The following LMNB1 variants were observed in gnomAD, a reference collection of about 807,000 sequenced individuals.
LMNB1 encodes the protein lamin-B1.
A neutral mutation model predicts 67.1 loss-of-function variants in LMNB1; 23 were observed. The observed-to-expected ratio is 0.34, with a 90% confidence interval of 0.25 to 0.49. The LOEUF (loss-of-function observed/expected upper bound fraction) is 0.49, where lower values mean the gene tolerates loss of function less well. Among genes scored for constraint, LMNB1 ranks in the 20% least tolerant of loss-of-function variants. LMNB1 has a pLI of 0.99. For synonymous variants in LMNB1, 281 were observed against 282.9 expected (o/e 0.99, Z 0.07); for missense variants, 634 against 746.5 (o/e 0.85, Z 1.76).
At chr5:126,791,208 A>G (rs374909577) in intron 1 of LMNB1, among the ~76,000 whole-genome samples, 3 of 150,230 alleles carry the variant, frequency 2.0e-5, no homozygotes, top group African/African-American at 7.4e-5. Flanking sequence ...CTTTTCATCC[A>G]TTGTGTTGAT....
Position 126,777,796 on chromosome 5 carries a change from G to C in LMNB1, c.288G>C (p.Thr96=), listed in dbSNP as rs189717541. 4.1e-4 allele frequency: 608 copies of C among 1,496,554 alleles called. 3 individuals are homozygous for C. The African/African-American group carries it at 6.8e-3, about 17-fold the overall frequency. 92.7% of individuals were successfully genotyped at this position (1,496,554 alleles called of 1,614,324 possible). A position where few individuals can be genotyped will look rare whatever the true frequency, so the allele number is the denominator to read the frequency against. ...LADARRALDD[T]ARERAKLQIE... ...ACGCGCGACGCGCGCTCGACGACACGGCCCGCGAGCGCGCCAAGCTGCAGA... is the reference window on the plus strand; with the variant it reads ...ACGCGCGACGCGCGCTCGACGACACCGCCCGCGAGCGCGCCAAGCTGCAGA... Residue 96 remains threonine, a synonymous_variant, in exon 1 of 11, where the codon ACG becomes ACC. Coordinates refer to ENST00000261366, the MANE Select transcript of LMNB1 (RefSeq NM_005573.4).
chr5:126,790,046 C>T (rs1184435319), intron 1 of LMNB1, among the ~76,000 whole-genome samples: 3 of 151,904 alleles, frequency 2.0e-5, no homozygotes, highest in Non-Finnish European at 4.4e-5. Context: ...TCAGATGATC[C>T]GCCCACCTCA....
At chr5:126,801,993 C>G (rs72780203) in intron 1 of LMNB1, among the ~76,000 whole-genome samples, 6,637 of 152,316 alleles carry the variant, frequency 0.044, 163 homozygotes, top group Middle Eastern at 0.065. Context: ...AAAATAGAGA[C>G]TCCTTCACAA....
intron 5 of LMNB1, among the ~76,000 whole-genome samples, chr5:126,813,052 TCTTC>T (rs1405090890): frequency 1.3e-5 from 2 of 152,228 alleles, no homozygotes; most frequent in Non-Finnish European, 2.9e-5. Context: ...ATTGGGCTTT[TCTTC>T]CTTCCTTTTT....
chr5:126,809,578 T>C (rs755641119), intron 3 of LMNB1, among the ~76,000 whole-genome samples: 13 of 152,044 alleles, frequency 8.6e-5, no homozygotes, highest in Non-Finnish European at 1.8e-4. Flanking sequence ...TCCCAGTTAC[T>C]AGGGAGGCTG....
intron 1 of LMNB1, among the ~76,000 whole-genome samples, chr5:126,801,648 A>G (rs1189115311): frequency 6.6e-6 from 1 of 152,236 alleles, no homozygotes; most frequent in East Asian, 1.9e-4. Flanking sequence ...CAAATAAACA[A>G]GAACAATACT....
At chr5:126,787,546 A>ATATATATATATATATATTTTTTTTTTT in intron 1 of LMNB1, among the ~76,000 whole-genome samples, 1 of 65,574 alleles carries the variant, frequency 1.5e-5, no homozygotes, top group African/African-American at 6.6e-5. Flanking sequence ...ATATATATAT[A>ATATATATATATATATATTTTTTTTTTT]TTTTTTTTTT....
intron 1 of LMNB1, among the ~76,000 whole-genome samples, chr5:126,794,387 G>C (rs938327919): frequency 2.0e-5 from 3 of 152,184 alleles, no homozygotes; most frequent in African/African-American, 4.8e-5. Flanking sequence ...ATGCATGCTT[G>C]ATAAGCAGTT....
intron 2 of LMNB1, among the ~76,000 whole-genome samples, chr5:126,805,214 G>A (rs558437680): frequency 1.3e-5 from 2 of 152,162 alleles, no homozygotes; most frequent in African/African-American, 2.4e-5. Context: ...AGCCTATTTT[G>A]TTAGTTAGGA....
At chr5:126,825,863 A>T in intron 8 of LMNB1, 125 bp from the exon 9 acceptor site, 1 of 1,297,756 alleles carries the variant, frequency 7.7e-7, no homozygotes, top group East Asian at 2.5e-5. Flanking sequence ...TGTGTATAGC[A>T]CTCTGTAGCT....
rs1750486749 is a variant in LMNB1 at position 126,777,426 on chromosome 5, G to A, written c.-83G>A. On this transcript the variant is annotated 5_prime_UTR_variant, in exon 1 of 11. Coordinates refer to ENST00000261366, the MANE Select transcript of LMNB1 (RefSeq NM_005573.4). The stretch of plus-strand genomic sequence containing the variant: ...GCGCAGGTCGCCGGTTTGTGCCTTC[G>A]GTCCCCGCTTCGCCCCCTGCCGTCC... The A allele has an allele frequency of 3.2e-6, 4 of 1,248,384 alleles. No homozygotes were observed. Among genetic ancestry groups the A allele is most frequent in the Non-Finnish European group, 4.0e-6 (4 of 998,130 alleles). 77.3% of individuals were successfully genotyped at this position (1,248,384 alleles called of 1,614,324 possible).
chr5:126,787,448 T>TTATATATAACATATACTTTATGTATATGC (rs1750818905), intron 1 of LMNB1, among the ~76,000 whole-genome samples: 1 of 148,996 alleles, frequency 6.7e-6, no homozygotes, highest in African/African-American at 2.5e-5. Context: ...TATGTATATG[T>TTATATATAACATATACTTTATGTATATGC]TATATATAAC....
chr5:126,788,942 G>A (rs565193282), intron 1 of LMNB1, among the ~76,000 whole-genome samples: 18 of 150,516 alleles, frequency 1.2e-4, no homozygotes, highest in African/African-American at 4.4e-4. Context: ...TTCTCTTGCC[G>A]GTGCTGGATT....
intron 3 of LMNB1, among the ~76,000 whole-genome samples, chr5:126,808,223 G>T (rs908450462): frequency 6.6e-5 from 10 of 151,338 alleles, no homozygotes; most frequent in Admixed American, 5.3e-4. Context: ...TCACTCTGTT[G>T]CCCAGGCTGG....
At chr5:126,791,675 G>A (rs1750962628) in intron 1 of LMNB1, among the ~76,000 whole-genome samples, 1 of 151,940 alleles carries the variant, frequency 6.6e-6, no homozygotes, top group African/African-American at 2.4e-5. Context: ...GTCTTACTAT[G>A]TTGCTGGTCT....
At position 126,777,613 on chromosome 5, in the gene LMNB1, G is replaced by A; in HGVS notation, c.105G>A (p.Glu35=). Residue 35 remains glutamate, a synonymous_variant, in exon 1 of 11, where the codon GAG becomes GAA. Coordinates refer to ENST00000261366, the MANE Select transcript of LMNB1 (RefSeq NM_005573.4). The part of the protein sequence containing the change: ...TRLSRLQEKE[E]LRELNDRLAV... ...TGTCGCGGCTCCAGGAGAAGGAGGA[G>A]CTGCGCGAGCTCAATGACCGGCTGG... is the stretch of plus-strand genomic sequence containing the variant. The A allele has an allele frequency of 6.5e-7, 1 of 1,539,410 alleles. No individual in the cohort carries two copies. The highest frequency in any genetic ancestry group is 1.4e-5 in the African/African-American group (1 of 71,200).
chr5:126,804,627 C>G (rs1365970483), intron 1 of LMNB1, 149 bp from the exon 2 acceptor site: 1 of 609,742 alleles, frequency 1.6e-6, no homozygotes, highest in Non-Finnish European at 2.7e-6. Context: ...AACTCTAGAT[C>G]CAGTGCTTGT....
In LMNB1 at chr5:126,804,815, C is replaced by G; in HGVS notation, c.399C>G (p.Ile133Met). The change falls in exon 2 of 11, where the codon ATC (isoleucine) becomes ATG (methionine). Residue 133 changes from isoleucine (I) to methionine (M), a missense_variant. Transcript: ENST00000261366. ...AATCTGATCTTAATGGCGCCCAGAT[C>G]AAGCTTCGAGAATATGAAGCAGCAC... is the stretch of plus-strand genomic sequence containing the variant. ...KKESDLNGAQ[I>M]KLREYEAALN... 3.1e-6 allele frequency: 5 copies of G among 1,614,064 alleles called. No homozygotes were observed. The highest frequency in any genetic ancestry group is 4.2e-6 in the Non-Finnish European group (5 of 1,179,964).
At chr5:126,809,613 G>T (rs1751534853) in intron 3 of LMNB1, among the ~76,000 whole-genome samples, 1 of 152,160 alleles carries the variant, frequency 6.6e-6, no homozygotes, top group Admixed American at 6.5e-5. Flanking sequence ...CTTGAACCCG[G>T]GAGGCGGAGG....
Sources: gnomAD v4.1 joint callset for allele counts (sites outside exome capture counted in the v4.1 genomes callset) on GRCh38, gnomAD v4.1.1 for gene constraint, MANE v1.5 for transcripts, NCBI Gene and HGNC (gene_info 2026-07-23, HGNC 2026-07-21) for gene names.